The following PUS10 variants were observed in gnomAD, a reference collection of about 807,000 sequenced individuals.
The protein encoded by PUS10 is pseudouridine synthase 10.
In PUS10, 59 loss-of-function variants were observed where a neutral mutation model predicts 75.0. That is an observed-to-expected ratio of 0.79 (90% CI 0.64 to 0.98). The LOEUF is 0.98. Ranked by LOEUF, PUS10 falls within the 50% of genes least tolerant of loss-of-function variation. PUS10 has a pLI of 0.00. For synonymous variants in PUS10, 219 were observed against 211.6 expected (o/e 1.03, Z -0.30); for missense variants, 650 against 614.4 (o/e 1.06, Z -0.61).
At chr2:60,965,033 C>CT (rs1558901520) in intron 8 of PUS10, 25 bp downstream of exon 8, 11 of 1,610,134 alleles carry the variant, frequency 6.8e-6, no homozygotes, top group Non-Finnish European at 7.6e-6. Context: ...TCACTCAAGA[C>CT]TAAGAAGCGG....
intron 16 of PUS10, among the ~76,000 whole-genome samples, chr2:60,945,359 C>G (rs778520759): frequency 1.2e-4 from 19 of 152,182 alleles, no homozygotes; most frequent in Admixed American, 6.5e-4. Flanking sequence ...TTCTTTATAG[C>G]TCATCTCCAA....
intron 15 of PUS10, 60 bp downstream of exon 15, chr2:60,952,937 A>G (rs1173279635): frequency 2.1e-6 from 2 of 956,786 alleles, no homozygotes; most frequent in South Asian, 1.4e-5. Context: ...TTAGAAGACA[A>G]TGGGATCTTT....
intron 11 of PUS10, among the ~76,000 whole-genome samples, chr2:60,960,165 A>G: frequency 6.7e-6 from 1 of 150,298 alleles, no homozygotes. Flanking sequence ...AAAAAAAAAA[A>G]AAAAGAGAGA....
At chr2:60,954,246 G>C in intron 12 of PUS10, 88 bp from the exon 13 acceptor site, 1 of 1,261,428 alleles carries the variant, frequency 7.9e-7, no homozygotes, top group Non-Finnish European at 1.1e-6. Flanking sequence ...GGTGTGAAAA[G>C]TGGGTTGAGC....
chr2:60,960,733 T>C (rs1000875997), intron 10 of PUS10, among the ~76,000 whole-genome samples: 1 of 151,632 alleles, frequency 6.6e-6, no homozygotes, highest in Non-Finnish European at 1.5e-5. Flanking sequence ...AATAGATGGG[T>C]AAATATATGA....
At chr2:60,975,855 C>T (rs1201497284) in intron 4 of PUS10, among the ~76,000 whole-genome samples, 3 of 151,926 alleles carry the variant, frequency 2.0e-5, no homozygotes, top group Non-Finnish European at 4.4e-5. Context: ...TCCTCCTCCC[C>T]GTTTCAAACG....
intron 4 of PUS10, among the ~76,000 whole-genome samples, chr2:60,999,698 T>C (rs1377072609): frequency 2.0e-5 from 3 of 152,312 alleles, no homozygotes; most frequent in Admixed American, 1.3e-4. Context: ...AGATCTCTAG[T>C]CTAACCAACT....
At chr2:60,962,125 G>A (rs936703055) in intron 9 of PUS10, among the ~76,000 whole-genome samples, 1 of 152,204 alleles carries the variant, frequency 6.6e-6, no homozygotes, top group Non-Finnish European at 1.5e-5. Context: ...TTCTGGAGAT[G>A]AACGATACTA....
intron 11 of PUS10, among the ~76,000 whole-genome samples, chr2:60,957,247 A>G (rs140249586): frequency 1.4e-3 from 210 of 152,328 alleles, no homozygotes; most frequent in African/African-American, 4.8e-3. Flanking sequence ...ATCAAGGGCA[A>G]GAATGATCAG....
At chr2:61,001,568 C>T (rs1026389968) in intron 4 of PUS10, among the ~76,000 whole-genome samples, 2 of 152,208 alleles carry the variant, frequency 1.3e-5, no homozygotes, top group African/African-American at 4.8e-5. Flanking sequence ...TGAGCCAACA[C>T]CCAGCCAAGC....
intron 4 of PUS10, among the ~76,000 whole-genome samples, chr2:61,004,221 C>T (rs1679049478): frequency 6.6e-6 from 1 of 152,176 alleles, no homozygotes; most frequent in African/African-American, 2.4e-5. Flanking sequence ...ACGTAACTAG[C>T]TTAAACTGAG....
rs576400403 is a variant in PUS10, at chr2:61,018,219, T to C, written c.-227A>G. ...GGTCTGTAGCAGTTGAGAGCGGCAT[T>C]TGTCCAGCCACGGCATCGACAGGGA... On this transcript the variant is annotated 5_prime_UTR_variant, in exon 1 of 18. Coordinates refer to ENST00000316752, the MANE Select transcript of PUS10 (RefSeq NM_144709.4). 402 of 1,551,032 alleles carry C rather than the reference T, an allele frequency of 2.6e-4. 2 individuals are homozygous for C. The South Asian group carries it at 4.5e-3, about 17-fold the overall frequency.
intron 1 of PUS10, chr2:61,017,762 G>A: frequency 1.3e-6 from 2 of 1,549,492 alleles, no homozygotes; most frequent in East Asian, 2.4e-5. Context: ...CGGAGGAGAT[G>A]GCGTCCCAGC....
chr2:60,999,188 T>C (rs1036900846), intron 4 of PUS10, among the ~76,000 whole-genome samples: 3 of 152,210 alleles, frequency 2.0e-5, no homozygotes, highest in African/African-American at 7.2e-5. Flanking sequence ...ATTTAGCTTT[T>C]AAAAGGACTT....
At chr2:60,975,204 T>C (rs942657217) in intron 4 of PUS10, among the ~76,000 whole-genome samples, 1 of 152,202 alleles carries the variant, frequency 6.6e-6, no homozygotes, top group Non-Finnish European at 1.5e-5. Flanking sequence ...TGGAGTGCTA[T>C]GGCGTGATCT....
At position 61,018,082 on chromosome 2, in the gene PUS10, C is replaced by G. The variant is rs1028233709; in HGVS notation, c.-90G>C. 113 of 1,520,088 alleles carry G rather than the reference C, an allele frequency of 7.4e-5. No individual in the cohort carries two copies. The highest frequency in any genetic ancestry group is 2.4e-4 in the South Asian group (19 of 80,650). The allele number at this position is 1,520,088 out of a possible 1,614,324, so 94.2% of individuals were successfully genotyped here. ...TCAGCAACGTTTTTTTCGGGAGCTC[C>G]TGGGCGTCTCTCTGGGTCTCTGTGC... On this transcript the variant is annotated 5_prime_UTR_variant, in exon 1 of 18. Coordinates refer to ENST00000316752, the MANE Select transcript of PUS10 (RefSeq NM_144709.4).
chr2:61,017,446 A>C (rs1680076403), intron 1 of PUS10: 1 of 262,136 alleles, frequency 3.8e-6, no homozygotes, highest in Non-Finnish European at 7.3e-6. Context: ...CACTCCCAGA[A>C]AAGCCTCGGT....
intron 4 of PUS10, among the ~76,000 whole-genome samples, chr2:60,978,977 G>A (rs548987250): frequency 6.6e-6 from 1 of 151,976 alleles, no homozygotes; most frequent in Non-Finnish European, 1.5e-5. Context: ...ACATCTCTTG[G>A]ACTCATTTAT....
chr2:61,001,141 C>T (rs567962917), intron 4 of PUS10, among the ~76,000 whole-genome samples: 29 of 152,302 alleles, frequency 1.9e-4, no homozygotes, highest in African/African-American at 6.7e-4. Flanking sequence ...TTCCAAATAG[C>T]AGATCTATCC....
Sources: allele counts gnomAD v4.1 joint callset (sites outside exome capture counted in the v4.1 genomes callset), GRCh38; gene constraint gnomAD v4.1.1; transcripts MANE v1.5; gene names NCBI Gene and HGNC (gene_info 2026-07-23, HGNC 2026-07-21).